Variants in ACOT11 observed in about 807,000 individuals in gnomAD.
ACOT11 encodes the protein acyl-CoA thioesterase 11, also known as acyl-coenzyme A thioesterase 11.
In ACOT11, 69 loss-of-function variants were observed where a neutral mutation model predicts 77.5. The ratio of observed to expected loss-of-function variants is 0.89; its 90% CI spans 0.73 to 1.09. The LOEUF (loss-of-function observed/expected upper bound fraction) is 1.09. Among genes scored for constraint, ACOT11 ranks in the 50% least tolerant of loss-of-function variants. ACOT11 has a pLI of 0.00. For synonymous variants in ACOT11, 279 were observed against 313.0 expected (o/e 0.89, Z 1.15); for missense variants, 766 against 813.7 (o/e 0.94, Z 0.71).
At chr1:54,623,511 G>A in intron 15 of ACOT11, 1 of 765,388 alleles carries the variant, frequency 1.3e-6, no homozygotes, top group Non-Finnish European at 2.3e-6. Context: ...TTCTCCACCG[G>A]GCCTGGTCTG....
rs772397545 is a variant in ACOT11 at position 54,597,302 on chromosome 1, G to A, written c.651G>A (p.Lys217=). The change falls in exon 7 of 16, where the codon AAG becomes AAA. Residue 217 remains lysine (K), a synonymous_variant. Coordinates refer to ENST00000343744, the MANE Select transcript of ACOT11 (RefSeq NM_147161.4). ...RDCSRMVPAE[K]TRVESVELVL... is the part of the protein sequence containing the mutation. ...GTAGCCGCATGGTGCCGGCTGAGAAGACCCGTGTGGAGAGTGTGGAGCTGG... is the reference window on the plus strand; with the variant it reads ...GTAGCCGCATGGTGCCGGCTGAGAAAACCCGTGTGGAGAGTGTGGAGCTGG... The A allele has an allele frequency of 6.2e-7, 1 of 1,613,778 alleles. No individual in the cohort carries two copies. The highest frequency in any genetic ancestry group is 8.5e-7 in the Non-Finnish European group (1 of 1,180,032).
chr1:54,609,608 TG>T lies in ACOT11; in HGVS notation c.*501del. On this transcript the variant is annotated 3_prime_UTR_variant, in exon 16 of 16. Transcript: ENST00000343744. The stretch of plus-strand genomic sequence containing the variant: ...AGGCCAGCCTGGTGCCACAGTCACG[TG>T]GGGGAAGACCTCAGCCACAGCTGTA... 3 of 1,613,418 alleles carry T rather than the reference TG, an allele frequency of 1.9e-6. No homozygotes were observed. In the African/African-American group the frequency reaches 4.0e-5, roughly 21 times the overall value.
intron 15 of ACOT11, among the ~76,000 whole-genome samples, chr1:54,616,971 G>T (rs1569793674): frequency 7.1e-6 from 1 of 141,474 alleles, no homozygotes; most frequent in East Asian, 2.0e-4. Context: ...CTCTCAAAGT[G>T]TTGAGATTAC....
exon 17 of ACOT11, chr1:54,638,280 G>A (rs994158481): frequency 6.6e-6 from 1 of 152,222 alleles, no homozygotes; most frequent in Non-Finnish European, 1.5e-5. Flanking sequence ...AAAATACCAC[G>A]CTAGGCTCCT....
intron 15 of ACOT11, among the ~76,000 whole-genome samples, chr1:54,629,344 T>G (rs574881026): frequency 7.5e-6 from 1 of 132,488 alleles, no homozygotes; most frequent in South Asian, 2.6e-4. Flanking sequence ...TGGAGTGCAG[T>G]GGCGCGATCT....
At chr1:54,552,905 G>A (rs1189661744) in intron 1 of ACOT11, among the ~76,000 whole-genome samples, 9 of 149,552 alleles carry the variant, frequency 6.0e-5, no homozygotes, top group Non-Finnish European at 1.0e-4. Flanking sequence ...TTGGCTCACC[G>A]CAACCTCTGC....
downstream of ACOT11, chr1:54,614,817 G>T: frequency 6.2e-7 from 1 of 1,614,198 alleles, no homozygotes; most frequent in Non-Finnish European, 8.5e-7. Flanking sequence ...GAGGTCCAGG[G>T]AGGGGCCCAC....
intron 15 of ACOT11, chr1:54,621,761 C>G (rs1224283246): frequency 6.6e-6 from 1 of 152,452 alleles, no homozygotes; most frequent in African/African-American, 2.4e-5. Context: ...GGAACACAGG[C>G]ATGAGGTGGG....
chr1:54,615,999 G>T (rs779126139), intron 15 of ACOT11: 6 of 1,612,118 alleles, frequency 3.7e-6, no homozygotes, highest in African/African-American at 1.3e-5. Flanking sequence ...GGCCGGAGAG[G>T]GTTTCCAGAG....
intron 13 of ACOT11, 144 bp downstream of exon 13, chr1:54,605,353 C>A: frequency 1.5e-6 from 2 of 1,323,920 alleles, no homozygotes; most frequent in Non-Finnish European, 2.0e-6. Flanking sequence ...GGTGGGGGTT[C>A]AGGGTCATGG....
chr1:54,629,518 C>T lies in ACOT11; in HGVS notation c.1630-1216C>T, dbSNP rs999721432. On this transcript the variant is annotated intron_variant, in intron 15 of 16. Coordinates refer to the ACOT11 transcript ENST00000371316. ...AGCCAGGGTGGTCTCAATCTCCTGACCTCGTGATACGCCTGCCTCAGCCTC... is the reference window on the plus strand; with the variant it reads ...AGCCAGGGTGGTCTCAATCTCCTGATCTCGTGATACGCCTGCCTCAGCCTC... Among the ~76,000 whole-genome samples, 7 of 133,336 alleles carry T rather than the reference C, an allele frequency of 5.2e-5. 1 individual carries two copies. Among genetic ancestry groups the T allele is most frequent in the Admixed American group, 1.5e-4 (2 of 12,954 alleles). The allele number at this position is 133,336 out of a possible 152,430, so 87.5% of individuals were successfully genotyped here.
At chr1:54,627,295 C>T (rs1338546033) in intron 15 of ACOT11, among the ~76,000 whole-genome samples, 1 of 134,892 alleles carries the variant, frequency 7.4e-6, no homozygotes, top group African/African-American at 2.5e-5. Context: ...GCCGGCGAGC[C>T]GAGCTCTGAG....
intron 15 of ACOT11, among the ~76,000 whole-genome samples, chr1:54,619,298 A>G (rs942056293): frequency 2.6e-5 from 4 of 152,240 alleles, no homozygotes; most frequent in Non-Finnish European, 5.9e-5. Context: ...GTGGGGGTCA[A>G]GCGTCACGCA....
chr1:54,563,954 T>A (rs774473990), intron 1 of ACOT11, among the ~76,000 whole-genome samples: 20 of 151,662 alleles, frequency 1.3e-4, no homozygotes, highest in Admixed American at 3.3e-4. Context: ...TAATCCCAGC[T>A]ACTCGGGAGG....
chr1:54,555,979 C>T (rs1653244126), intron 1 of ACOT11, among the ~76,000 whole-genome samples: 3 of 152,176 alleles, frequency 2.0e-5, no homozygotes, highest in Admixed American at 6.5e-5. Context: ...AACTCCTGAC[C>T]TCAGGTGATC....
intron 16 of ACOT11, among the ~76,000 whole-genome samples, chr1:54,633,493 T>C (rs1644313195): frequency 6.6e-6 from 1 of 152,272 alleles, no homozygotes; most frequent in Admixed American, 6.5e-5. Flanking sequence ...GTTTCTTTAC[T>C]ATACCTTTAG....
At chr1:54,578,292 A>T (rs1480268813) in intron 1 of ACOT11, among the ~76,000 whole-genome samples, 1 of 152,132 alleles carries the variant, frequency 6.6e-6, no homozygotes, top group Non-Finnish European at 1.5e-5. Context: ...TCTCCATGCA[A>T]TGTTGGAATG....
chr1:54,597,828 CTTT>C lies in ACOT11; in HGVS notation c.764+414_764+416del, dbSNP rs941807699. ...CTCCTGCCGTGCTTCCCCTACTCTT[CTTT>C]GTCTGCTAATATCCTGCCCACTTCC... is the stretch of plus-strand genomic sequence containing the variant. On this transcript the variant is annotated intron_variant, in intron 7 of 15. Transcript: ENST00000343744. 49 of 189,132 alleles carry C rather than the reference CTTT, an allele frequency of 2.6e-4. 1 individual carries two copies. The highest frequency in any genetic ancestry group is 4.9e-3 in the Middle Eastern group (2 of 406). The allele number at this position is 189,132 out of a possible 1,614,324, so 11.7% of individuals were successfully genotyped here. A position where few individuals can be genotyped will look rare whatever the true frequency, so the allele number is the denominator to read the frequency against.
At chr1:54,621,537 C>A in intron 15 of ACOT11, 1 of 152,258 alleles carries the variant, frequency 6.6e-6, no homozygotes, top group Admixed American at 6.5e-5. Flanking sequence ...TGAATGGCCT[C>A]GAACTTTAGC....
Sources: gnomAD v4.1 joint callset for allele counts (sites outside exome capture counted in the v4.1 genomes callset) on GRCh38, gnomAD v4.1.1 for gene constraint, MANE v1.5 for transcripts, NCBI Gene and HGNC (gene_info 2026-07-23, HGNC 2026-07-21) for gene names.